NLK: variants seen among roughly 807,000 people sequenced by gnomAD.
NLK encodes the protein nemo like kinase.
NLK carries 11 observed loss-of-function variants against 59.0 expected under a neutral mutation model. The observed-to-expected ratio is 0.19, with a 90% confidence interval of 0.12 to 0.31. The LOEUF is 0.31. Among genes scored for constraint, NLK ranks in the 10% least tolerant of loss-of-function variants. The pLI, the probability that NLK is intolerant of heterozygous loss-of-function variation, is 1.00. For missense variants in NLK, 410 were observed against 661.1 expected, an observed-to-expected ratio of 0.62 and a Z score of 4.16; for synonymous variants, 235 against 235.9, an observed-to-expected ratio of 1.00 and a Z score of 0.03.
intron 1 of NLK, chr17:28,062,017 A>G (rs759135057): frequency 1.3e-5 from 2 of 149,962 alleles, no homozygotes; most frequent in Non-Finnish European, 3.0e-5. Context: ...CTTTCCATCC[A>G]TCTAATCCCT....
At chr17:28,126,588 T>C (rs1479948132) in intron 2 of NLK, among the ~76,000 whole-genome samples, 1 of 152,158 alleles carries the variant, frequency 6.6e-6, no homozygotes, top group African/African-American at 2.4e-5. Flanking sequence ...TGTCAAAGAA[T>C]AGTAACAAAG....
chr17:28,057,722 G>A (rs530402518), intron 1 of NLK, among the ~76,000 whole-genome samples: 1 of 152,176 alleles, frequency 6.6e-6, no homozygotes, highest in African/African-American at 2.4e-5. Flanking sequence ...CCCTAATGCA[G>A]TCATATGAGC....
intron 10 of NLK, 113 bp downstream of exon 10, chr17:28,192,326 A>G: frequency 1.5e-6 from 1 of 649,058 alleles, no homozygotes; most frequent in African/African-American, 1.8e-5. Flanking sequence ...AAGGTGCAAC[A>G]GAAAGTTTCT....
chr17:28,151,829 A>C (rs1479413517), intron 3 of NLK, among the ~76,000 whole-genome samples: 1 of 152,216 alleles, frequency 6.6e-6, no homozygotes, highest in East Asian at 1.9e-4. Context: ...AAGTTCATGG[A>C]TCCTGAAGAT....
intron 7 of NLK, among the ~76,000 whole-genome samples, chr17:28,184,808 G>A (rs772614637): frequency 1.3e-4 from 20 of 152,220 alleles, no homozygotes; most frequent in African/African-American, 2.2e-4. Flanking sequence ...TTACCCAAGC[G>A]TGATGGCACA....
At chr17:28,126,132 A>AT (rs1906280608) in intron 2 of NLK, among the ~76,000 whole-genome samples, 1 of 152,236 alleles carries the variant, frequency 6.6e-6, no homozygotes, top group Non-Finnish European at 1.5e-5. Flanking sequence ...TCAAAATGTG[A>AT]TAACTACTAT....
At chr17:28,119,065 G>A (rs1905906395) in intron 1 of NLK, among the ~76,000 whole-genome samples, 1 of 152,140 alleles carries the variant, frequency 6.6e-6, no homozygotes, top group South Asian at 2.1e-4. Context: ...TCTACAGCTG[G>A]AGCTTCATTA....
At chr17:28,160,085 A>G (rs889994179) in intron 3 of NLK, among the ~76,000 whole-genome samples, 5 of 152,134 alleles carry the variant, frequency 3.3e-5, no homozygotes, top group Non-Finnish European at 1.5e-5. Context: ...TAGAGAGAGA[A>G]ATTTGGCAGT....
At chr17:28,156,466 T>C (rs1597714562) in intron 3 of NLK, among the ~76,000 whole-genome samples, 1 of 152,320 alleles carries the variant, frequency 6.6e-6, no homozygotes, top group Non-Finnish European at 1.5e-5. Flanking sequence ...TGAATAAGGT[T>C]CTAAACAAAG....
At chr17:28,117,392 G>A (rs1360779134) in intron 1 of NLK, among the ~76,000 whole-genome samples, 2 of 152,256 alleles carry the variant, frequency 1.3e-5, no homozygotes, top group East Asian at 1.9e-4. Flanking sequence ...AAATATGACA[G>A]CCTGATACTG....
intron 1 of NLK, among the ~76,000 whole-genome samples, chr17:28,103,690 G>A (rs539364207): frequency 1.3e-5 from 2 of 152,246 alleles, no homozygotes; most frequent in Non-Finnish European, 2.9e-5. Flanking sequence ...CTTAAACTTA[G>A]CAGGTGCACT....
At chr17:28,201,365 G>A (rs985331924), downstream of NLK, among the ~76,000 whole-genome samples, 1 of 148,588 alleles carries the variant, frequency 6.7e-6, no homozygotes, top group Admixed American at 6.9e-5. Context: ...TTACAGGCAT[G>A]AGCAACTGCA....
intron 10 of NLK, among the ~76,000 whole-genome samples, 169 bp downstream of exon 10, chr17:28,192,382 A>T (rs960532961): frequency 3.9e-5 from 6 of 152,222 alleles, no homozygotes; most frequent in African/African-American, 1.4e-4. Flanking sequence ...AACTGTAAGC[A>T]TCTGGGCTGG....
At chr17:28,124,592 T>C (rs1906213202) in intron 2 of NLK, among the ~76,000 whole-genome samples, 1 of 152,140 alleles carries the variant, frequency 6.6e-6, no homozygotes, top group Non-Finnish European at 1.5e-5. Context: ...GTTCCTCAGA[T>C]TTTAGAAATA....
chr17:28,157,535 C>T (rs1045570427), intron 3 of NLK, among the ~76,000 whole-genome samples: 6 of 152,052 alleles, frequency 3.9e-5, no homozygotes, highest in Admixed American at 3.9e-4. Context: ...CCATGTTGCC[C>T]AGGCTGGTCT....
At chr17:28,203,124 C>G in the NLK span, among the ~76,000 whole-genome samples, 65 of 150,396 alleles carry the variant, frequency 4.3e-4, no homozygotes, top group East Asian at 6.4e-3. Flanking sequence ...AAAATAAACA[C>G]GCAAACACGT....
At chr17:28,170,921 GA>G (rs1298924514) in intron 6 of NLK, among the ~76,000 whole-genome samples, 2 of 152,178 alleles carry the variant, frequency 1.3e-5, no homozygotes, top group African/African-American at 2.4e-5. Context: ...GTTGGGGTGA[GA>G]AATGAAGATC....
chr17:28,051,783 C>G (rs1909265399), intron 1 of NLK, among the ~76,000 whole-genome samples: 2 of 151,824 alleles, frequency 1.3e-5, no homozygotes, highest in Admixed American at 6.6e-5. Flanking sequence ...ACTTTCTGAG[C>G]CTTGGTTTTC....
At chr17:28,124,524 C>CT (rs1292141801) in intron 2 of NLK, among the ~76,000 whole-genome samples, 2 of 151,726 alleles carry the variant, frequency 1.3e-5, no homozygotes, top group Non-Finnish European at 2.9e-5. Flanking sequence ...GACTCCATCT[C>CT]TAAAAAAAAA....
Sources: gnomAD v4.1 joint callset for allele counts (sites outside exome capture counted in the v4.1 genomes callset) on GRCh38, gnomAD v4.1.1 for gene constraint, MANE v1.5 for transcripts, NCBI Gene and HGNC (gene_info 2026-07-23, HGNC 2026-07-21) for gene names.